SLC24A2: variants seen among roughly 807,000 people sequenced by gnomAD.
The protein encoded by SLC24A2 is solute carrier family 24 member 2.
Under a neutral mutation model 62.0 loss-of-function variants are expected in SLC24A2, and 36 were observed. The observed-to-expected ratio is 0.58, with a 90% CI of 0.44 to 0.77. The LOEUF is 0.77. Ranked by LOEUF, SLC24A2 falls within the 30% of genes least tolerant of loss-of-function variation. The pLI, the probability that SLC24A2 is intolerant of heterozygous loss-of-function variation, is 0.00. For synonymous variants in SLC24A2, 358 were observed against 294.0 expected (o/e 1.22, Z -2.23); for missense variants, 846 against 817.9 (o/e 1.03, Z -0.42).
Position 19,786,380 on chromosome 9 carries a change from C to T in SLC24A2, c.487G>A (p.Val163Ile), listed in dbSNP as rs1413342671. ...GAGATGCCCAGTTTTTCAGTGATGA[C>T]AGTCAAAGAAGGAACAAAGAACTCA... ...CDEFFVPSLT[V>I]ITEKLGISDD... Residue 163 changes from valine (V) to isoleucine (I), a missense_variant, in exon 2 of 11, where the codon GTC becomes ATC. Transcript: ENST00000341998. The surrounding 1 kb of genome is among the most constrained non-coding windows in gnomAD (Gnocchi z 5.0). 1 of 1,614,164 alleles carries T rather than the reference C, an allele frequency of 6.2e-7. No individual in the cohort carries two copies. Among genetic ancestry groups the T allele is most frequent in the South Asian group, 1.1e-5 (1 of 91,082 alleles).
At chr9:19,834,700 A>G in the SLC24A2 span, among the ~76,000 whole-genome samples, 5 of 152,184 alleles carry the variant, frequency 3.3e-5, no homozygotes, top group Non-Finnish European at 7.3e-5. Context: ...GCAGGCCAAC[A>G]TTCACATTCA....
chr9:19,653,855 A>G (rs1818868941), intron 2 of SLC24A2, among the ~76,000 whole-genome samples: 1 of 152,192 alleles, frequency 6.6e-6, no homozygotes, highest in African/African-American at 2.4e-5. Context: ...TCAAAGTTGC[A>G]GCCTCAGAGC....
chr9:20,194,081 G>GT, the SLC24A2 span, among the ~76,000 whole-genome samples: 381 of 150,980 alleles, frequency 2.5e-3, 1 homozygote, highest in African/African-American at 8.4e-3. Flanking sequence ...ATTGAGCTGG[G>GT]TTTTTTTTTG....
intron 2 of SLC24A2, among the ~76,000 whole-genome samples, chr9:19,737,998 C>T (rs1316603843): frequency 6.6e-6 from 1 of 152,058 alleles, no homozygotes; most frequent in Non-Finnish European, 1.5e-5. Context: ...ATGGCATACA[C>T]AATTACTCAA....
the SLC24A2 span, among the ~76,000 whole-genome samples, chr9:19,956,986 C>T: frequency 0.26 from 39,461 of 152,060 alleles, 5,735 homozygotes; most frequent in Admixed American, 0.4. Flanking sequence ...TCCCAGCCTC[C>T]GGACTGTGAG....
intron 2 of SLC24A2, among the ~76,000 whole-genome samples, chr9:19,709,903 T>C (rs1355145959): frequency 6.6e-6 from 1 of 151,660 alleles, no homozygotes; most frequent in Non-Finnish European, 1.5e-5. Context: ...AGTATAATAA[T>C]AATAAAATAA....
the SLC24A2 span, among the ~76,000 whole-genome samples, chr9:20,095,871 G>A: frequency 6.6e-6 from 1 of 152,116 alleles, no homozygotes; most frequent in African/African-American, 2.4e-5. Flanking sequence ...AAAGAGAATT[G>A]AGAATCGAGC....
chr9:19,848,379 C>T, the SLC24A2 span, among the ~76,000 whole-genome samples: 2 of 152,084 alleles, frequency 1.3e-5, no homozygotes, highest in African/African-American at 4.8e-5. Flanking sequence ...TGTGTTATTA[C>T]CTGTACAAAT....
chr9:19,564,207 A>G (rs1835554476), intron 7 of SLC24A2, among the ~76,000 whole-genome samples: 1 of 151,978 alleles, frequency 6.6e-6, no homozygotes, highest in South Asian at 2.1e-4. Context: ...TAATAGTAGG[A>G]AGATATTTTT....
chr9:20,092,165 G>T, the SLC24A2 span, among the ~76,000 whole-genome samples: 1 of 152,178 alleles, frequency 6.6e-6, no homozygotes, highest in Non-Finnish European at 1.5e-5. Flanking sequence ...ACCTGGTGAT[G>T]AAATAATCTG....
chr9:20,246,761 G>C, the SLC24A2 span, among the ~76,000 whole-genome samples: 2 of 152,218 alleles, frequency 1.3e-5, no homozygotes, highest in African/African-American at 4.8e-5. Flanking sequence ...CAGTTGTACT[G>C]TCTGCCTGTA....
At chr9:19,903,150 G>A in the SLC24A2 span, among the ~76,000 whole-genome samples, 12 of 151,720 alleles carry the variant, frequency 7.9e-5, no homozygotes, top group Non-Finnish European at 7.4e-5. Flanking sequence ...TGGTTAGCTC[G>A]TAACAAAATA....
At chr9:19,559,817 T>C (rs1241246175) in intron 7 of SLC24A2, among the ~76,000 whole-genome samples, 2 of 152,216 alleles carry the variant, frequency 1.3e-5, no homozygotes, top group East Asian at 1.9e-4. Context: ...CCTAAACATA[T>C]TGCCTAATTA....
At chr9:19,828,830 G>A in the SLC24A2 span, among the ~76,000 whole-genome samples, 1 of 152,156 alleles carries the variant, frequency 6.6e-6, no homozygotes, top group African/African-American at 2.4e-5. Flanking sequence ...GTTGTGTGTG[G>A]GATTAGCAGA....
At chr9:19,986,048 G>A in the SLC24A2 span, among the ~76,000 whole-genome samples, 1 of 152,036 alleles carries the variant, frequency 6.6e-6, no homozygotes, top group East Asian at 1.9e-4. Flanking sequence ...CTAGTATCCA[G>A]AATAGATAAA....
intron 2 of SLC24A2, among the ~76,000 whole-genome samples, chr9:19,701,779 C>T (rs1820362860): frequency 6.6e-6 from 1 of 152,086 alleles, no homozygotes; most frequent in Non-Finnish European, 1.5e-5. Context: ...GAAAATTCCT[C>T]CACACTATGC....
chr9:19,855,010 T>C, the SLC24A2 span, among the ~76,000 whole-genome samples: 1 of 152,236 alleles, frequency 6.6e-6, no homozygotes, highest in Non-Finnish European at 1.5e-5. Flanking sequence ...TAATAAGCTC[T>C]TCTTGTTGAA....
intron 2 of SLC24A2, among the ~76,000 whole-genome samples, chr9:19,685,284 T>C (rs12555511): frequency 0.18 from 27,862 of 152,084 alleles, 2,864 homozygotes; most frequent in Middle Eastern, 0.24. Context: ...TGGAAAAACA[T>C]TCCATGCTCA....
chr9:19,585,472 C>A (rs1470883813), intron 5 of SLC24A2, among the ~76,000 whole-genome samples: 1 of 152,148 alleles, frequency 6.6e-6, no homozygotes, highest in African/African-American at 2.4e-5. Flanking sequence ...GTAATCAGTT[C>A]TCCAGAAGCA....
Sources: gnomAD v4.1 joint callset for allele counts (sites outside exome capture counted in the v4.1 genomes callset) on GRCh38, gnomAD v4.1.1 for gene constraint, Gnocchi (gnomAD v3.1) non-coding constraint, MANE v1.5 for transcripts, NCBI Gene and HGNC (gene_info 2026-07-23, HGNC 2026-07-21) for gene names.